The following CRISPLD1 variants were observed in gnomAD, a reference collection of about 807,000 sequenced individuals.
The protein encoded by CRISPLD1 is cysteine rich secretory protein LCCL domain containing 1.
Under a neutral mutation model 77.5 loss-of-function variants are expected in CRISPLD1, and 60 were observed. That is an observed-to-expected ratio of 0.77 (90% CI 0.63 to 0.96). The LOEUF is 0.96. Ranked by LOEUF, CRISPLD1 falls within the 40% of genes least tolerant of loss-of-function variation. The pLI, the probability that CRISPLD1 is intolerant of heterozygous loss-of-function variation, is 0.00. For missense variants in CRISPLD1, 623 were observed against 615.8 expected (o/e 1.01, Z -0.12); for synonymous variants, 195 against 200.1 (o/e 0.97, Z 0.22).
At chr8:75,026,244 G>T (rs1272928367) in intron 13 of CRISPLD1, among the ~76,000 whole-genome samples, 1 of 152,056 alleles carries the variant, frequency 6.6e-6, no homozygotes, top group Non-Finnish European at 1.5e-5. Flanking sequence ...CACCATGCCT[G>T]GCTCTTTTTC....
At chr8:74,992,670 G>A (rs949866536) in intron 2 of CRISPLD1, among the ~76,000 whole-genome samples, 3 of 152,074 alleles carry the variant, frequency 2.0e-5, no homozygotes, top group African/African-American at 7.2e-5. Flanking sequence ...TGCTATGCAT[G>A]CCTCCTCTGC....
chr8:75,023,382 G>A (rs1457735981), intron 12 of CRISPLD1, among the ~76,000 whole-genome samples: 2 of 152,134 alleles, frequency 1.3e-5, no homozygotes, highest in African/African-American at 4.8e-5. Flanking sequence ...TCCAGTCAAA[G>A]GGGACACCCT....
chr8:75,018,918 TTAAC>T (rs1193062092), intron 10 of CRISPLD1, among the ~76,000 whole-genome samples: 3 of 152,214 alleles, frequency 2.0e-5, no homozygotes, highest in African/African-American at 7.2e-5. Flanking sequence ...TATTCATTAA[TTAAC>T]CTATTAACTT....
chr8:75,012,314 A>C (rs1012781925), intron 2 of CRISPLD1, 119 bp from the exon 3 acceptor site: 33 of 687,572 alleles, frequency 4.8e-5, no homozygotes, highest in Non-Finnish European at 7.8e-5. Flanking sequence ...GAGAATCCAG[A>C]CTATGATGTT....
At chr8:75,003,193 C>T (rs1004616289) in intron 2 of CRISPLD1, among the ~76,000 whole-genome samples, 4 of 152,086 alleles carry the variant, frequency 2.6e-5, no homozygotes, top group Admixed American at 6.6e-5. Flanking sequence ...CACTGAGCAA[C>T]GTAACATAGC....
At chr8:75,008,931 T>C (rs749885895) in intron 2 of CRISPLD1, among the ~76,000 whole-genome samples, 6 of 152,148 alleles carry the variant, frequency 3.9e-5, no homozygotes, top group Non-Finnish European at 1.5e-5. Context: ...AACAGAAATA[T>C]AAGCAAACTT....
chr8:75,017,277 T>G (rs1380706683), intron 9 of CRISPLD1, 43 bp from the exon 10 acceptor site: 5 of 1,600,206 alleles, frequency 3.1e-6, no homozygotes, highest in Non-Finnish European at 3.4e-6. Context: ...TATGCAGAAC[T>G]CTAATATTTT....
At chr8:75,008,036 TTGAGA>T (rs1307224408) in intron 2 of CRISPLD1, among the ~76,000 whole-genome samples, 1 of 152,108 alleles carries the variant, frequency 6.6e-6, no homozygotes, top group African/African-American at 2.4e-5. Context: ...ATACACACAC[TTGAGA>T]TGAGAAAGCC....
chr8:75,007,663 CTTTTTT>C (rs34289550), intron 2 of CRISPLD1, among the ~76,000 whole-genome samples: 3 of 89,322 alleles, frequency 3.4e-5, no homozygotes, highest in Non-Finnish European at 6.0e-5. Context: ...GAACCATCGA[CTTTTTT>C]TTTTTTTTTT....
At chr8:74,993,563 CG>C (rs1812605679) in intron 2 of CRISPLD1, among the ~76,000 whole-genome samples, 1 of 152,020 alleles carries the variant, frequency 6.6e-6, no homozygotes, top group Non-Finnish European at 1.5e-5. Context: ...TTTAAGACTT[CG>C]ACCTTTAAAG....
intron 13 of CRISPLD1, among the ~76,000 whole-genome samples, chr8:75,027,239 A>T (rs117679689): frequency 0.013 from 2,025 of 152,304 alleles, 19 homozygotes; most frequent in Middle Eastern, 0.027. Flanking sequence ...TGTGAACAAG[A>T]CAGGCATGTT....
chr8:74,992,862 A>G (rs1236895355), intron 2 of CRISPLD1, among the ~76,000 whole-genome samples: 1 of 150,602 alleles, frequency 6.6e-6, no homozygotes, highest in African/African-American at 2.4e-5. Flanking sequence ...TCAATTGGTT[A>G]CTTATGTTCT....
At position 75,019,880 on chromosome 8, in the gene CRISPLD1, T is replaced by C. The variant is rs1329981562; in HGVS notation, c.1138T>C (p.Ser380Pro). ...TATTTTTACCTTCAGCAAATATCAGTCTGCTAATTCCTTCACAGTCTCTAA... is the reference window on the plus strand; with the variant it reads ...TATTTTTACCTTCAGCAAATATCAGCCTGCTAATTCCTTCACAGTCTCTAA... ...NGIQTIGKYQSANSFTVSKVT... is the reference protein window; with the variant it reads ...NGIQTIGKYQPANSFTVSKVT... Residue 380 changes from serine (S) to proline (P), a missense_variant, in exon 11 of 15, where the codon TCT (serine) becomes CCT (proline). Transcript: ENST00000262207. The C allele has an allele frequency of 1.2e-6, 2 of 1,612,060 alleles. No individual in the cohort carries two copies. Among genetic ancestry groups the C allele is most frequent in the African/African-American group, 1.3e-5 (1 of 74,898 alleles).
rs1406254262 is a variant in CRISPLD1 at position 74,986,140 on chromosome 8, A to G, written c.153A>G (p.Gln51=). Residue 51 remains glutamine (Q), a synonymous_variant, in exon 2 of 15, where the codon CAA becomes CAG. Coordinates refer to ENST00000262207, the MANE Select transcript of CRISPLD1 (RefSeq NM_031461.6). ...ATGGTGAGTGGTGGATAGCCAAACAACGAGGGAAAAGGGCCATCACAGACA... is the reference window on the plus strand; with the variant it reads ...ATGGTGAGTGGTGGATAGCCAAACAGCGAGGGAAAAGGGCCATCACAGACA... The part of the protein sequence containing the change: ...DEDGEWWIAK[Q]RGKRAITDND... 1 of 1,614,070 alleles carries G rather than the reference A, an allele frequency of 6.2e-7. No individual in the cohort carries two copies. Among genetic ancestry groups the G allele is most frequent in the South Asian group, 1.1e-5 (1 of 91,088 alleles).
At chr8:75,028,940 G>A (rs946816725) in intron 13 of CRISPLD1, among the ~76,000 whole-genome samples, 1 of 152,136 alleles carries the variant, frequency 6.6e-6, no homozygotes, top group Non-Finnish European at 1.5e-5. Flanking sequence ...GGTGGAGTTT[G>A]TATTAGGCAA....
intron 14 of CRISPLD1, 45 bp downstream of exon 14, chr8:75,029,562 C>T (rs766253083): frequency 1.0e-5 from 16 of 1,569,712 alleles, no homozygotes; most frequent in Non-Finnish European, 1.3e-5. Flanking sequence ...TACCATCTAT[C>T]ACTGTATTCA....
intron 13 of CRISPLD1, among the ~76,000 whole-genome samples, chr8:75,027,893 A>G (rs963398514): frequency 5.3e-5 from 8 of 152,156 alleles, no homozygotes; most frequent in Non-Finnish European, 1.0e-4. Flanking sequence ...TTCATCATAT[A>G]TTAGTTTTTA....
chr8:75,018,653 C>G (rs1479986547), intron 10 of CRISPLD1, among the ~76,000 whole-genome samples: 1 of 151,210 alleles, frequency 6.6e-6, no homozygotes, highest in Non-Finnish European at 1.5e-5. Flanking sequence ...CTCTTTTTAG[C>G]CAAAAAAAAA....
At chr8:75,024,066 C>G (rs1002494245) in intron 12 of CRISPLD1, among the ~76,000 whole-genome samples, 2 of 152,052 alleles carry the variant, frequency 1.3e-5, no homozygotes, top group African/African-American at 4.8e-5. Context: ...GCATTCCATG[C>G]AGAGAGGAAG....
Sources: allele counts gnomAD v4.1 joint callset (sites outside exome capture counted in the v4.1 genomes callset), GRCh38; gene constraint gnomAD v4.1.1; transcripts MANE v1.5; gene names NCBI Gene and HGNC (gene_info 2026-07-23, HGNC 2026-07-21).